The following KAZN variants were observed in gnomAD, a reference collection of about 807,000 sequenced individuals.
KAZN encodes kazrin, periplakin interacting protein.
A neutral mutation model predicts 87.4 loss-of-function variants in KAZN; 40 were observed. The observed-to-expected ratio is 0.46, with a 90% CI of 0.36 to 0.60. The LOEUF is 0.60. Ranked by LOEUF, KAZN falls within the 20% of genes least tolerant of loss-of-function variation. The pLI is 0.00. For missense variants in KAZN, 898 were observed against 1,073.9 expected, an observed-to-expected ratio of 0.84 and a Z score of 2.29; for synonymous variants, 466 against 458.3, an observed-to-expected ratio of 1.02 and a Z score of -0.22.
intron 8 of KAZN, among the ~76,000 whole-genome samples, chr1:15,078,577 C>G (rs1048463251): frequency 6.6e-6 from 1 of 152,012 alleles, no homozygotes; most frequent in Non-Finnish European, 1.5e-5. Flanking sequence ...GCAGACAAGG[C>G]GGGGAGCAGG....
chr1:14,044,342 A>G (rs1310645886), intron 1 of KAZN, among the ~76,000 whole-genome samples: 1 of 152,006 alleles, frequency 6.6e-6, no homozygotes, highest in Non-Finnish European at 1.5e-5. Flanking sequence ...GGCATTTAAG[A>G]GTACAGTGAG....
At chr1:14,748,505 C>T (rs532405255) in intron 1 of KAZN, among the ~76,000 whole-genome samples, 63 of 152,302 alleles carry the variant, frequency 4.1e-4, no homozygotes, top group Non-Finnish European at 7.1e-4. Context: ...CCTCCGTCGT[C>T]TCATCCGTGA....
Position 14,145,899 on chromosome 1 carries a change from G to A in KAZN, c.92-34536G>A, listed in dbSNP as rs968930175. On this transcript the variant is annotated intron_variant, in intron 1 of 16. Coordinates refer to the KAZN transcript ENST00000636203. ...CAGTCTACACTTGATTAACAACGGG[G>A]TCATGATTATACTTCCTGTCTTGCA... 3.9e-5 allele frequency among the ~76,000 whole-genome samples: 6 copies of A among 152,190 alleles called. No homozygotes were observed. The East Asian group carries it at 5.8e-4, about 15-fold the overall frequency.
At chr1:14,617,414 C>T (rs930835378) in intron 1 of KAZN, among the ~76,000 whole-genome samples, 17 of 152,064 alleles carry the variant, frequency 1.1e-4, no homozygotes, top group Admixed American at 7.9e-4. Flanking sequence ...TACAGAGACA[C>T]GAAGCCAGAA....
At chr1:14,742,962 T>G (rs1020398605) in intron 1 of KAZN, among the ~76,000 whole-genome samples, 2 of 114,182 alleles carry the variant, frequency 1.8e-5, no homozygotes, top group Non-Finnish European at 3.8e-5. Context: ...AAACAGATGC[T>G]CCTGCACTCA....
chr1:13,945,543 G>A (rs1260442620), intron 1 of KAZN, among the ~76,000 whole-genome samples: 1 of 150,918 alleles, frequency 6.6e-6, no homozygotes, highest in East Asian at 1.9e-4. Flanking sequence ...AAAGTTCTGT[G>A]CACTTTGCTA....
chr1:14,755,243 A>G (rs1557456169), intron 1 of KAZN, among the ~76,000 whole-genome samples: 1 of 152,094 alleles, frequency 6.6e-6, no homozygotes, highest in Non-Finnish European at 1.5e-5. Context: ...ACAGAGTAAG[A>G]CCCTGTCTCA....
rs920513168 is a variant in KAZN, at chr1:15,066,760, C to T, written c.1222+1007C>T. ...GCAAAGTAGTTTAGGGTGGCCAGAACCCAGGGACCATTGGATTTCAAAGCT... is the reference window on the plus strand; with the variant it reads ...GCAAAGTAGTTTAGGGTGGCCAGAATCCAGGGACCATTGGATTTCAAAGCT... On this transcript the variant is annotated intron_variant, in intron 8 of 14. Transcript: ENST00000376030. The surrounding 1 kb of genome is among the most constrained non-coding windows in gnomAD (Gnocchi z 4.3). 2.0e-6 allele frequency: 2 copies of T among 985,248 alleles called. No homozygotes were observed. Among genetic ancestry groups the T allele is most frequent in the African/African-American group, 1.7e-5 (1 of 57,196 alleles). 61.0% of individuals were successfully genotyped at this position (985,248 alleles called of 1,614,324 possible).
intron 1 of KAZN, among the ~76,000 whole-genome samples, chr1:14,827,422 C>G (rs373131312): frequency 4.6e-5 from 7 of 152,324 alleles, no homozygotes; most frequent in African/African-American, 1.7e-4. Context: ...CACCCTTTGC[C>G]CTGAGTCCCC....
chr1:14,635,256 G>C (rs1314130316), intron 1 of KAZN, among the ~76,000 whole-genome samples: 1 of 152,232 alleles, frequency 6.6e-6, no homozygotes, highest in African/African-American at 2.4e-5. Context: ...TGTTGGGCTA[G>C]TCCTTCACCT....
At chr1:14,748,348 TG>T (rs968503575) in intron 1 of KAZN, among the ~76,000 whole-genome samples, 1 of 152,198 alleles carries the variant, frequency 6.6e-6, no homozygotes, top group African/African-American at 2.4e-5. Flanking sequence ...GCGTTTCCTC[TG>T]GGGATATAGA....
Position 14,245,192 on chromosome 1 carries a change from G to A in KAZN, c.249+64600G>A, listed in dbSNP as rs145064030. Among the ~76,000 whole-genome samples the A allele has an allele frequency of 3.8e-3, 582 of 151,858 alleles. 2 individuals are homozygous for A. Among genetic ancestry groups the A allele is most frequent in the African/African-American group, 0.013 (550 of 41,436 alleles). On this transcript the variant is annotated intron_variant, in intron 2 of 16. Coordinates refer to the KAZN transcript ENST00000636203. ...GTTGGCCAGGCTGGTCTTGAACTCC[G>A]GACCTCAAGTCATCCTCCCACCTCG... is the stretch of plus-strand genomic sequence containing the variant.
At chr1:14,237,077 G>GT (rs942112188) in intron 2 of KAZN, among the ~76,000 whole-genome samples, 4 of 152,248 alleles carry the variant, frequency 2.6e-5, no homozygotes, top group Non-Finnish European at 5.9e-5. Flanking sequence ...GCCTTTTTCT[G>GT]TTTTGCAACA....
chr1:14,596,905 A>G (rs1217941100), upstream of KAZN, among the ~76,000 whole-genome samples: 1 of 152,218 alleles, frequency 6.6e-6, no homozygotes, highest in African/African-American at 2.4e-5. Context: ...ATGAACATTC[A>G]TGTACAAATT....
Position 14,773,088 on chromosome 1 carries a change from C to T in KAZN, c.226+173865C>T, listed in dbSNP as rs567825766. Among the ~76,000 whole-genome samples, 10 of 152,106 alleles carry T rather than the reference C, an allele frequency of 6.6e-5. No homozygotes were observed. The highest frequency in any genetic ancestry group is 1.5e-4 in the Non-Finnish European group (10 of 68,018). On this transcript the variant is annotated intron_variant, in intron 1 of 14. Coordinates refer to ENST00000376030, the MANE Select transcript of KAZN (RefSeq NM_201628.3). This position sits in a 1 kb window ranked among gnomAD's most constrained non-coding sequence, Gnocchi z 5.9. Reference sequence around the variant, plus strand: ...GAGGGTCAGGTGGGTGACCCTAGTCCCCCACAAAGGTAGCATCTGGTGGAG... The same window carrying T: ...GAGGGTCAGGTGGGTGACCCTAGTCTCCCACAAAGGTAGCATCTGGTGGAG...
At chr1:14,657,899 G>GT (rs965859990) in intron 1 of KAZN, among the ~76,000 whole-genome samples, 12 of 151,994 alleles carry the variant, frequency 7.9e-5, no homozygotes, top group Admixed American at 3.3e-4. Context: ...ATTTTGTTTT[G>GT]TTTTTTTAGT....
chr1:14,179,926 C>T (rs562172648), intron 1 of KAZN, among the ~76,000 whole-genome samples: 13 of 152,128 alleles, frequency 8.5e-5, no homozygotes, highest in Non-Finnish European at 1.3e-4. Flanking sequence ...CCTTTCAGCC[C>T]ACATGTGGCA....
Position 15,063,579 on chromosome 1 carries a change from G to A in KAZN, c.1055G>A (p.Ser352Asn). 6.2e-7 allele frequency: 1 copy of A among 1,614,032 alleles called. No individual in the cohort carries two copies. The highest frequency in any genetic ancestry group is 8.5e-7 in the Non-Finnish European group (1 of 1,179,878). ...HRTHSLCNGD[S>N]PGPVQKNLHN... is the part of the protein sequence containing the mutation. ...CTTCTCCTCTGGCTACAGGGCGACA[G>A]TCCCGGCCCAGTTCAGAAGAACCTG... The change falls in exon 7 of 15, where the codon AGT becomes AAT. Residue 352 changes from serine (S) to asparagine (N), a missense_variant. Around this residue, in one of 3 missense-constraint regions of KAZN, gnomAD observed 521 missense variants for 689.4 expected, o/e 0.76. Coordinates refer to ENST00000376030, the MANE Select transcript of KAZN (RefSeq NM_201628.3).
At chr1:14,704,638 GGGATGAAGTCTCCACGTCCTGCATCT>G (rs1461012002) in intron 1 of KAZN, among the ~76,000 whole-genome samples, 4 of 152,282 alleles carry the variant, frequency 2.6e-5, no homozygotes, top group Admixed American at 6.5e-5. Context: ...ACGGGCTTCA[GGGATGAAGTCTCCACGTCCTGCATCT>G]GGACGTCTTT....
Sources: allele counts gnomAD v4.1 joint callset (sites outside exome capture counted in the v4.1 genomes callset), GRCh38; gene constraint gnomAD v4.1.1; regional missense constraint gnomAD v4.1.1; non-coding constraint Gnocchi (gnomAD v3.1); transcripts MANE v1.5; gene names NCBI Gene and HGNC (gene_info 2026-07-23, HGNC 2026-07-21).